Variants in DHX15 observed in about 807,000 individuals in gnomAD.
DHX15 encodes the protein ATP-dependent RNA helicase DHX15.
In DHX15, 11 loss-of-function variants were observed where a neutral mutation model predicts 94.4. The observed-to-expected ratio is 0.12, with a 90% confidence interval of 0.07 to 0.19. DHX15 has a LOEUF of 0.19. DHX15 is among the 10% of genes least tolerant of loss of function. DHX15 has a pLI of 1.00. For missense variants in DHX15, 304 were observed against 988.5 expected, an observed-to-expected ratio of 0.31 and a Z score of 9.29; for synonymous variants, 338 against 329.9, an observed-to-expected ratio of 1.02 and a Z score of -0.27.
intron 11 of DHX15, among the ~76,000 whole-genome samples, chr4:24,535,659 A>T (rs1205206640): frequency 6.6e-6 from 1 of 152,158 alleles, no homozygotes. Context: ...ACTGCTAGTC[A>T]TCAATTCTTT....
At chr4:24,567,798 C>G (rs1241566084) in intron 3 of DHX15, among the ~76,000 whole-genome samples, 1 of 151,976 alleles carries the variant, frequency 6.6e-6, no homozygotes, top group Non-Finnish European at 1.5e-5. Flanking sequence ...TCCAAGAAAA[C>G]AGGAAAGTAA....
At chr4:24,556,217 T>C (rs746752370) in intron 4 of DHX15, 34 bp downstream of exon 4, 4 of 1,599,404 alleles carry the variant, frequency 2.5e-6, no homozygotes, top group African/African-American at 1.3e-5. Context: ...CATACACACA[T>C]ATATAGTTAA....
intron 6 of DHX15, among the ~76,000 whole-genome samples, chr4:24,548,441 C>T (rs780968028): frequency 6.6e-6 from 1 of 152,194 alleles, no homozygotes; most frequent in Non-Finnish European, 1.5e-5. Context: ...CCACGCCCGG[C>T]CAGATCAGTG....
At chr4:24,572,986 C>A (rs1408276724) in intron 2 of DHX15, among the ~76,000 whole-genome samples, 5 of 152,186 alleles carry the variant, frequency 3.3e-5, no homozygotes, top group Non-Finnish European at 5.9e-5. Flanking sequence ...TCTAGGCTTA[C>A]TGCAACCTCC....
intron 5 of DHX15, among the ~76,000 whole-genome samples, chr4:24,551,827 T>C (rs1180778760): frequency 6.6e-6 from 1 of 152,222 alleles, no homozygotes; most frequent in African/African-American, 2.4e-5. Context: ...AATCACAAAA[T>C]ATCCAGATTT....
At chr4:24,546,361 T>C (rs1056826109) in intron 6 of DHX15, among the ~76,000 whole-genome samples, 1 of 152,172 alleles carries the variant, frequency 6.6e-6, no homozygotes, top group Non-Finnish European at 1.5e-5. Context: ...AGTCAGCTAT[T>C]TGTATGAACA....
In DHX15 at chr4:24,576,653, G is replaced by A. The variant is rs924120935; in HGVS notation, c.97C>T (p.Arg33Cys). 6.8e-6 allele frequency: 11 copies of A among 1,612,660 alleles called. No individual in the cohort carries two copies. The highest frequency in any genetic ancestry group is 4.0e-5 in the African/African-American group (3 of 74,836). Residue 33 changes from arginine to cysteine, a missense_variant, in exon 2 of 14, where the codon CGT becomes TGT. Coordinates refer to ENST00000336812, the MANE Select transcript of DHX15 (RefSeq NM_001358.3). ...DGKDRDRDRD[R>C]EDRSKDRDRE... is the part of the protein sequence containing the mutation. ...TCTCGATCTTTAGACCGATCTTCAC[G>A]ATCCCGGTCTCGATCTCGATCCTTC...
At chr4:24,560,384 A>G (rs1721845359) in intron 3 of DHX15, among the ~76,000 whole-genome samples, 1 of 152,032 alleles carries the variant, frequency 6.6e-6, no homozygotes, top group Non-Finnish European at 1.5e-5. Flanking sequence ...TTTAAAACAA[A>G]AACAAAATAG....
rs1296487159 is a variant in DHX15 at position 24,555,114 on chromosome 4, GTTAT to G, written c.862-175_862-172del. Among the ~76,000 whole-genome samples the G allele has an allele frequency of 3.3e-5, 5 of 151,812 alleles. No homozygotes were observed. The East Asian group carries it at 9.7e-4, about 29-fold the overall frequency. On this transcript the variant is annotated intron_variant, in intron 4 of 13. Coordinates refer to ENST00000336812, the MANE Select transcript of DHX15 (RefSeq NM_001358.3). Reference sequence around the variant, plus strand: ...ACATAATGGCTGAACTATAGTAAAAGTTATTTACATTTTTAAAAATTTAGAAAAA... The same window carrying G: ...ACATAATGGCTGAACTATAGTAAAAGTTACATTTTTAAAAATTTAGAAAAA...
chr4:24,535,622 G>A (rs1431736844), intron 11 of DHX15, among the ~76,000 whole-genome samples: 1 of 152,122 alleles, frequency 6.6e-6, no homozygotes, highest in Non-Finnish European at 1.5e-5. Flanking sequence ...TTCTGGGCCT[G>A]GGCAGAGAAG....
intron 2 of DHX15, among the ~76,000 whole-genome samples, chr4:24,575,937 C>T (rs1310222185): frequency 6.6e-6 from 1 of 152,170 alleles, no homozygotes; most frequent in Non-Finnish European, 1.5e-5. Flanking sequence ...GATTTCTCCA[C>T]CCAAGTACCA....
At chr4:24,552,330 C>G (rs188725748) in intron 5 of DHX15, among the ~76,000 whole-genome samples, 25 of 152,160 alleles carry the variant, frequency 1.6e-4, no homozygotes, top group African/African-American at 5.3e-4. Context: ...CCAATTAACT[C>G]ACTGCATGTT....
At chr4:24,548,394 C>T (rs1314777415) in intron 6 of DHX15, among the ~76,000 whole-genome samples, 3 of 152,250 alleles carry the variant, frequency 2.0e-5, no homozygotes, top group African/African-American at 4.8e-5. Flanking sequence ...CCACCCACTT[C>T]GGCCTCCCAA....
intron 3 of DHX15, among the ~76,000 whole-genome samples, chr4:24,567,944 C>A (rs1043248330): frequency 3.3e-5 from 5 of 152,194 alleles, no homozygotes; most frequent in African/African-American, 4.8e-5. Context: ...CCATTTAAGG[C>A]TAGACTAACA....
At chr4:24,566,969 G>A (rs1722006853) in intron 3 of DHX15, among the ~76,000 whole-genome samples, 1 of 152,068 alleles carries the variant, frequency 6.6e-6, no homozygotes, top group African/African-American at 2.4e-5. Flanking sequence ...GCTTTAACAA[G>A]AACAGGGACT....
rs193124166 is a variant in DHX15 at position 24,528,274 on chromosome 4, A to G, written c.2271-233T>C. Among the ~76,000 whole-genome samples, 707 of 152,306 alleles carry G rather than the reference A, an allele frequency of 4.6e-3. 8 individuals carry two copies. The highest frequency in any genetic ancestry group is 6.9e-3 in the Non-Finnish European group (468 of 68,022). On this transcript the variant is annotated intron_variant, in intron 13 of 13. Transcript: ENST00000336812. ...TGATGTTGGACTTACCATAAACTTA[A>G]TAACAAACCCCTCAAGATACATTAA...
chr4:24,579,954 C>T (rs1023444371), intron 1 of DHX15, among the ~76,000 whole-genome samples: 4 of 152,106 alleles, frequency 2.6e-5, no homozygotes, highest in East Asian at 1.9e-4. Flanking sequence ...TTAGTAGAGA[C>T]GAGGTTTCAC....
At chr4:24,574,766 A>G (rs1195417524) in intron 2 of DHX15, among the ~76,000 whole-genome samples, 2 of 152,222 alleles carry the variant, frequency 1.3e-5, no homozygotes, top group African/African-American at 4.8e-5. Context: ...AAATGAGCTA[A>G]TACATGTAAA....
chr4:24,532,984 T>C lies in DHX15; in HGVS notation c.1980A>G (p.Val660=), dbSNP rs530294788. 7.9e-4 allele frequency: 1,279 copies of C among 1,614,110 alleles called. 14 individuals are homozygous for C. In the South Asian group the frequency reaches 0.013, roughly 17 times the overall value. The change falls in exon 12 of 14, where the codon GTA becomes GTG. Residue 660 remains valine (V), a synonymous_variant. Coordinates refer to ENST00000336812, the MANE Select transcript of DHX15 (RefSeq NM_001358.3). ...NYRSLMSADN[V]RQQLSRIMDR... is the part of the protein sequence containing the mutation. ...CCATAATTCGAGATAGCTGCTGGCG[T>C]ACATTGTCTGCGGACATCAGGGACC...
Sources: allele counts gnomAD v4.1 joint callset (sites outside exome capture counted in the v4.1 genomes callset), GRCh38; gene constraint gnomAD v4.1.1; transcripts MANE v1.5; gene names NCBI Gene and HGNC (gene_info 2026-07-23, HGNC 2026-07-21).